The following TMEM135 variants were observed in gnomAD, a reference collection of about 807,000 sequenced individuals.
TMEM135 encodes transmembrane protein 135, also known as peroxisomal membrane protein 52.
A neutral mutation model predicts 60.3 loss-of-function variants in TMEM135; 30 were observed. The observed-to-expected ratio is 0.50, with a 90% confidence interval of 0.37 to 0.68. TMEM135 has a LOEUF of 0.68. TMEM135 is among the 30% of genes least tolerant of loss of function. The pLI is 0.00. For synonymous variants in TMEM135, 190 were observed against 186.7 expected (o/e 1.02, Z -0.14); for missense variants, 468 against 548.8 (o/e 0.85, Z 1.47).
chr11:87,111,665 A>G (rs959581797), intron 4 of TMEM135, among the ~76,000 whole-genome samples: 16 of 129,738 alleles, frequency 1.2e-4, no homozygotes, highest in African/African-American at 4.3e-4. Flanking sequence ...AAAAAAAAAA[A>G]AAAAAAGAAA....
At chr11:87,072,348 A>C (rs1025400449) in intron 3 of TMEM135, among the ~76,000 whole-genome samples, 13 of 152,160 alleles carry the variant, frequency 8.5e-5, no homozygotes, top group Non-Finnish European at 1.8e-4. Context: ...GTAATTGAGT[A>C]ATTGATCTCA....
intron 5 of TMEM135, among the ~76,000 whole-genome samples, chr11:87,189,260 A>T (rs192121478): frequency 3.2e-4 from 49 of 151,112 alleles, no homozygotes; most frequent in African/African-American, 1.2e-3. Context: ...TCCCGGGTTC[A>T]AGCAATTCTC....
At chr11:87,093,530 TTTA>T (rs1019501735) in intron 4 of TMEM135, among the ~76,000 whole-genome samples, 1 of 151,186 alleles carries the variant, frequency 6.6e-6, no homozygotes, top group Non-Finnish European at 1.5e-5. Context: ...GTTGTTTTTA[TTTA>T]TTATTATTAT....
At chr11:87,312,242 T>G (rs1344496119) in intron 10 of TMEM135, among the ~76,000 whole-genome samples, 1 of 151,308 alleles carries the variant, frequency 6.6e-6, no homozygotes, top group Admixed American at 6.6e-5. Flanking sequence ...CTAGCTTCAC[T>G]ATTGCCTTAT....
intron 5 of TMEM135, among the ~76,000 whole-genome samples, chr11:87,203,164 G>A (rs1347602591): frequency 6.6e-6 from 1 of 150,950 alleles, no homozygotes; most frequent in Non-Finnish European, 1.5e-5. Flanking sequence ...TCCCGCACCA[G>A]ACTGGACACT....
chr11:87,134,391 TGTAA>T (rs1938029539), intron 4 of TMEM135, among the ~76,000 whole-genome samples: 10 of 152,232 alleles, frequency 6.6e-5, no homozygotes, highest in African/African-American at 2.4e-4. Flanking sequence ...GGGTTAGGAC[TGTAA>T]CATATATATT....
At chr11:87,117,529 AATTTC>A (rs149686762) in intron 4 of TMEM135, among the ~76,000 whole-genome samples, 2 of 152,284 alleles carry the variant, frequency 1.3e-5, no homozygotes, top group Non-Finnish European at 2.9e-5. Context: ...ACCAGGAGTA[AATTTC>A]ATTTCAAGAA....
At chr11:87,221,984 T>A (rs1940628814) in intron 5 of TMEM135, among the ~76,000 whole-genome samples, 1 of 151,538 alleles carries the variant, frequency 6.6e-6, no homozygotes, top group African/African-American at 2.4e-5. Context: ...GATTGTGAGG[T>A]CAGGAGATCG....
chr11:87,057,008 G>T (rs778905653), intron 1 of TMEM135, among the ~76,000 whole-genome samples: 11 of 152,134 alleles, frequency 7.2e-5, no homozygotes, highest in Non-Finnish European at 1.6e-4. Context: ...AAGTTGTAGT[G>T]CTGCCTGGGA....
At chr11:87,268,207 G>A (rs1205307659) in intron 6 of TMEM135, among the ~76,000 whole-genome samples, 1 of 75,576 alleles carries the variant, frequency 1.3e-5, no homozygotes, top group Non-Finnish European at 3.3e-5. Flanking sequence ...GTTTTTTTGA[G>A]ACTGGGTCTT....
At position 87,172,315 on chromosome 11, in the gene TMEM135, C is replaced by G. The variant is rs566578465; in HGVS notation, c.462+14909C>G. Among the ~76,000 whole-genome samples the G allele has an allele frequency of 4.6e-5, 7 of 151,920 alleles. No homozygotes were observed. In the South Asian group the frequency reaches 1.5e-3, roughly 32 times the overall value. Reference sequence around the variant, plus strand: ...AAGGTACACTCTGTATGAGACAAAACAGGTTAAGAAATAGAAAAGAAATTT... The same window carrying G: ...AAGGTACACTCTGTATGAGACAAAAGAGGTTAAGAAATAGAAAAGAAATTT... On this transcript the variant is annotated intron_variant, in intron 5 of 14. Transcript: ENST00000305494.
chr11:87,040,049 C>G (rs955677317), intron 1 of TMEM135, among the ~76,000 whole-genome samples: 1 of 152,124 alleles, frequency 6.6e-6, no homozygotes, highest in Non-Finnish European at 1.5e-5. Context: ...TCTCATGTGG[C>G]CTTGTACCCT....
At position 87,302,343 on chromosome 11, in the gene TMEM135, A is replaced by G. The variant is rs1942463117; in HGVS notation, c.599A>G (p.Glu200Gly). 1.9e-6 allele frequency: 3 copies of G among 1,613,856 alleles called. No homozygotes were observed. Among genetic ancestry groups the G allele is most frequent in the Non-Finnish European group, 2.5e-6 (3 of 1,179,924 alleles). Reference protein sequence around the residue: ...EEIPTHSFSPEAAYAKVEQKR... With the variant: ...EEIPTHSFSPGAAYAKVEQKR... ...ATTCCCACACATTCTTTTTCACCAG[A>G]GGCAGCATATGCAAAAGTGGAACAA... is the stretch of plus-strand genomic sequence containing the variant. Residue 200 changes from glutamate to glycine, a missense_variant, in exon 8 of 15, where the codon GAG becomes GGG. By Grantham distance (98) the Glu-to-Gly change is moderately conservative. Coordinates refer to ENST00000305494, the MANE Select transcript of TMEM135 (RefSeq NM_022918.4).
intron 6 of TMEM135, among the ~76,000 whole-genome samples, chr11:87,260,731 G>GC (rs1554981666): frequency 2.0e-5 from 3 of 150,044 alleles, no homozygotes; most frequent in African/African-American, 7.3e-5. Context: ...AAAAAGAAAG[G>GC]TTTTTTTTTT....
At chr11:87,141,583 T>C (rs2135245999) in intron 4 of TMEM135, among the ~76,000 whole-genome samples, 1 of 152,302 alleles carries the variant, frequency 6.6e-6, no homozygotes, top group East Asian at 1.9e-4. Flanking sequence ...TTCTGTGTTT[T>C]ATTTCACTGG....
At chr11:87,070,616 A>ACG (rs921353392) in intron 2 of TMEM135, among the ~76,000 whole-genome samples, 26 of 150,414 alleles carry the variant, frequency 1.7e-4, no homozygotes, top group African/African-American at 5.7e-4. Flanking sequence ...AGCCTGGGCA[A>ACG]CAGAGCAAGA....
At chr11:87,040,744 A>G (rs1170592476) in intron 1 of TMEM135, among the ~76,000 whole-genome samples, 2 of 151,912 alleles carry the variant, frequency 1.3e-5, no homozygotes, top group Non-Finnish European at 2.9e-5. Flanking sequence ...TGTATATGTT[A>G]CTTTATCTTT....
intron 5 of TMEM135, among the ~76,000 whole-genome samples, chr11:87,207,125 G>A (rs1302397504): frequency 6.6e-6 from 1 of 152,150 alleles, no homozygotes; most frequent in East Asian, 1.9e-4. Flanking sequence ...AATGCTAGGA[G>A]AATAGGACAA....
intron 3 of TMEM135, among the ~76,000 whole-genome samples, chr11:87,075,058 A>C (rs12286867): frequency 0.14 from 21,189 of 152,072 alleles, 1,559 homozygotes; most frequent in Non-Finnish European, 0.16. Context: ...TCTTGCCTTA[A>C]CACCACCCTC....
Sources: gnomAD v4.1 joint callset for allele counts (sites outside exome capture counted in the v4.1 genomes callset) on GRCh38, gnomAD v4.1.1 for gene constraint, MANE v1.5 for transcripts, NCBI Gene and HGNC (gene_info 2026-07-23, HGNC 2026-07-21) for gene names.